KDM4C: variants seen among roughly 807,000 people sequenced by gnomAD.
KDM4C encodes lysine-specific demethylase 4C.
In KDM4C, 81 loss-of-function variants were observed where a neutral mutation model predicts 129.3. That is an observed-to-expected ratio of 0.63 (90% confidence interval 0.52 to 0.75). KDM4C has a LOEUF of 0.75. Among genes scored for constraint, KDM4C ranks in the 30% least tolerant of loss-of-function variants. The pLI is 0.00. For missense variants in KDM4C, 1,457 were observed against 1,304.0 expected (o/e 1.12, Z -1.81); for synonymous variants, 573 against 456.1 (o/e 1.26, Z -3.26).
intron 1 of KDM4C, among the ~76,000 whole-genome samples, chr9:6,789,527 G>T (rs1202724525): frequency 6.6e-6 from 1 of 151,684 alleles, no homozygotes; most frequent in Non-Finnish European, 1.5e-5. Flanking sequence ...GCCACGCCCA[G>T]CAAATTTTTA....
intron 8 of KDM4C, among the ~76,000 whole-genome samples, chr9:6,906,590 T>C (rs1335543031): frequency 2.0e-5 from 3 of 152,196 alleles, no homozygotes; most frequent in Non-Finnish European, 4.4e-5. Context: ...TACAGGCACA[T>C]GCCGCCATGA....
intron 8 of KDM4C, among the ~76,000 whole-genome samples, chr9:6,895,687 G>T (rs997466632): frequency 6.6e-6 from 1 of 152,112 alleles, no homozygotes; most frequent in African/African-American, 2.4e-5. Context: ...ATTGCTAGAG[G>T]CCAGGAATTC....
chr9:6,923,488 T>C (rs1306855338), intron 8 of KDM4C, among the ~76,000 whole-genome samples: 6 of 152,206 alleles, frequency 3.9e-5, no homozygotes, highest in Non-Finnish European at 8.8e-5. Flanking sequence ...TTGGATTTAT[T>C]TGAATGAGTG....
At chr9:6,946,833 T>C (rs1046125337) in intron 8 of KDM4C, among the ~76,000 whole-genome samples, 1 of 152,124 alleles carries the variant, frequency 6.6e-6, no homozygotes, top group East Asian at 1.9e-4. Context: ...TAAATAATTC[T>C]AAAACATTAT....
intron 19 of KDM4C, among the ~76,000 whole-genome samples, chr9:7,161,889 G>A (rs1843837652): frequency 6.6e-6 from 1 of 152,200 alleles, no homozygotes; most frequent in African/African-American, 2.4e-5. Flanking sequence ...ATAGTCATAG[G>A]AAGTTGCTGG....
intron 18 of KDM4C, among the ~76,000 whole-genome samples, chr9:7,106,612 C>G (rs1837719815): frequency 1.3e-5 from 2 of 151,962 alleles, no homozygotes; most frequent in Admixed American, 1.3e-4. Context: ...TCCAAAAGGA[C>G]CATTTTAAGG....
At chr9:6,729,204 C>CAAAAAA (rs1186478804) in intron 1 of KDM4C, among the ~76,000 whole-genome samples, 40 of 32,078 alleles carry the variant, frequency 1.2e-3, no homozygotes, top group African/African-American at 2.1e-3. Context: ...GCTCCGTCTC[C>CAAAAAA]AAAAAAAAAA....
intron 1 of KDM4C, among the ~76,000 whole-genome samples, chr9:6,729,827 A>G (rs1462949388): frequency 7.5e-6 from 1 of 133,546 alleles, no homozygotes; most frequent in Non-Finnish European, 1.5e-5. Flanking sequence ...AGCCTTCCTT[A>G]GGCCGGGCAT....
chr9:7,136,509 G>A (rs1465779688), intron 19 of KDM4C, among the ~76,000 whole-genome samples: 2 of 152,166 alleles, frequency 1.3e-5, no homozygotes, highest in East Asian at 3.8e-4. Context: ...CAGTCTTTTG[G>A]ACAATAACCA....
chr9:7,087,339 T>C (rs970469239), intron 17 of KDM4C, among the ~76,000 whole-genome samples: 1 of 152,076 alleles, frequency 6.6e-6, no homozygotes, highest in African/African-American at 2.4e-5. Context: ...ACTCCAGCAG[T>C]CTGTAACATA....
intron 1 of KDM4C, among the ~76,000 whole-genome samples, chr9:6,742,951 C>T (rs1311408538): frequency 6.6e-6 from 1 of 152,050 alleles, no homozygotes; most frequent in Non-Finnish European, 1.5e-5. Context: ...GTGGAAGTTG[C>T]AGTGAGCCAA....
At chr9:7,040,010 T>C (rs560018367) in intron 15 of KDM4C, among the ~76,000 whole-genome samples, 5 of 152,246 alleles carry the variant, frequency 3.3e-5, no homozygotes, top group African/African-American at 1.2e-4. Flanking sequence ...ATTGTGAGCT[T>C]ATGTTTCTTA....
intron 15 of KDM4C, among the ~76,000 whole-genome samples, chr9:7,029,594 A>G (rs1049262028): frequency 2.6e-5 from 4 of 151,984 alleles, no homozygotes; most frequent in Admixed American, 1.3e-4. Flanking sequence ...TAAAATTAAT[A>G]TAAGAATAAA....
chr9:6,950,541 A>T (rs1462214232), intron 8 of KDM4C, among the ~76,000 whole-genome samples: 2 of 152,212 alleles, frequency 1.3e-5, no homozygotes, highest in African/African-American at 4.8e-5. Flanking sequence ...AATTCAAAGC[A>T]AATTTAAGCT....
At chr9:6,841,300 G>A (rs962863320) in intron 4 of KDM4C, among the ~76,000 whole-genome samples, 22 of 152,120 alleles carry the variant, frequency 1.4e-4, no homozygotes, top group African/African-American at 4.8e-4. Context: ...TTGGAAATCA[G>A]CCACATGAGG....
rs145838413 is a variant in KDM4C at position 7,153,837 on chromosome 9, A to AGCTCCTTTTT, written c.2782-11398_2782-11397insCCTTTTTGCT. Among the ~76,000 whole-genome samples the AGCTCCTTTTT allele has an allele frequency of 1.0e-2, 1,518 of 152,304 alleles. 28 individuals carry two copies. The highest frequency in any genetic ancestry group is 0.034 in the African/African-American group (1,430 of 41,554). On this transcript the variant is annotated intron_variant, in intron 19 of 21. Coordinates refer to ENST00000381309, the MANE Select transcript of KDM4C (RefSeq NM_015061.6). Reference sequence around the variant, plus strand: ...GGCAAGAACAAAAAGGAGGCTGTTCAGCTGCAGCTATGGGCAAGACCAGAC... The same window carrying AGCTCCTTTTT: ...GGCAAGAACAAAAAGGAGGCTGTTCAGCTCCTTTTTGCTGCAGCTATGGGCAAGACCAGAC...
chr9:6,958,084 C>G (rs1239922034), intron 8 of KDM4C, among the ~76,000 whole-genome samples: 6 of 144,136 alleles, frequency 4.2e-5, no homozygotes, highest in Admixed American at 4.1e-4. Flanking sequence ...AGCAAAGTAG[C>G]TTTTTTTTTT....
intron 20 of KDM4C, 103 bp downstream of exon 20, chr9:7,165,460 G>A (rs1564199622): frequency 1.5e-6 from 2 of 1,309,006 alleles, no homozygotes; most frequent in Admixed American, 2.1e-5. Context: ...CATGAATTTG[G>A]GACACCTCTT....
At chr9:7,104,652 A>G (rs1284851762) in intron 18 of KDM4C, among the ~76,000 whole-genome samples, 1 of 152,208 alleles carries the variant, frequency 6.6e-6, no homozygotes, top group African/African-American at 2.4e-5. Context: ...TTAGCTTTCC[A>G]GTTCACCATG....
Sources: allele counts gnomAD v4.1 joint callset (sites outside exome capture counted in the v4.1 genomes callset), GRCh38; gene constraint gnomAD v4.1.1; transcripts MANE v1.5; gene names NCBI Gene and HGNC (gene_info 2026-07-23, HGNC 2026-07-21).